The following SLC4A7 variants were observed in gnomAD, a reference collection of about 807,000 sequenced individuals.
SLC4A7 encodes solute carrier family 4 member 7, also known as sodium bicarbonate cotransporter 3.
In SLC4A7, 51 loss-of-function variants were observed where a neutral mutation model predicts 137.6. That is an observed-to-expected ratio of 0.37 (90% confidence interval 0.30 to 0.47). The LOEUF (loss-of-function observed/expected upper bound fraction) is 0.47. Ranked by LOEUF, SLC4A7 falls within the 20% of genes least tolerant of loss-of-function variation. The pLI is 1.00. For missense variants in SLC4A7, 1,247 were observed against 1,525.4 expected (o/e 0.82, Z 3.04); for synonymous variants, 542 against 518.6 (o/e 1.05, Z -0.61).
intron 1 of SLC4A7, among the ~76,000 whole-genome samples, chr3:27,483,748 G>A (rs1286607925): frequency 1.3e-5 from 2 of 152,106 alleles, no homozygotes; most frequent in Non-Finnish European, 1.5e-5. Flanking sequence ...AGCGCTGAGG[G>A]AAGGGATGGA....
intron 22 of SLC4A7, among the ~76,000 whole-genome samples, chr3:27,388,253 T>C (rs936650524): frequency 2.0e-5 from 3 of 152,232 alleles, no homozygotes; most frequent in African/African-American, 7.2e-5. Context: ...GCTAAATTTG[T>C]TTACTTGCTA....
chr3:27,417,091 T>C (rs1014009708), intron 11 of SLC4A7, among the ~76,000 whole-genome samples: 1 of 152,170 alleles, frequency 6.6e-6, no homozygotes, highest in Non-Finnish European at 1.5e-5. Context: ...CATTAAAATA[T>C]ACCAAAAAGC....
intron 1 of SLC4A7, among the ~76,000 whole-genome samples, chr3:27,458,126 CTTAT>C (rs747633458): frequency 1.7e-4 from 26 of 152,186 alleles, no homozygotes; most frequent in Non-Finnish European, 3.2e-4. Context: ...TTTACAAATG[CTTAT>C]TTTGTCATTC....
intron 12 of SLC4A7, among the ~76,000 whole-genome samples, chr3:27,410,477 G>A (rs1209297578): frequency 6.6e-6 from 1 of 152,156 alleles, no homozygotes; most frequent in Non-Finnish European, 1.5e-5. Flanking sequence ...CTTTACCGTT[G>A]TAATTTTTTT....
At position 27,433,498 on chromosome 3, in the gene SLC4A7, A is replaced by G. The variant is rs188730904; in HGVS notation, c.778+418T>C. Among the ~76,000 whole-genome samples the G allele has an allele frequency of 1.1e-4, 16 of 152,270 alleles. No individual in the cohort carries two copies. In the East Asian group the frequency reaches 3.1e-3, roughly 29 times the overall value. Reference sequence around the variant, plus strand: ...TAGACCTGGGTCTGAGCCATTCTCAATGGATTAGAAGACACCAACTAGGTC... The same window carrying G: ...TAGACCTGGGTCTGAGCCATTCTCAGTGGATTAGAAGACACCAACTAGGTC... On this transcript the variant is annotated intron_variant, in intron 6 of 25. Transcript: ENST00000454389.
Position 27,382,294 on chromosome 3 carries a change from T to C in SLC4A7, c.3590+859A>G, listed in dbSNP as rs542066878. On this transcript the variant is annotated intron_variant, in intron 24 of 25. Transcript: ENST00000454389. ...CCACACCCAGCTAATTTTTGTATTT[T>C]TAGTAGAGACAGGTTTCCCCATGTT... Among the ~76,000 whole-genome samples the C allele has an allele frequency of 5.9e-5, 9 of 152,050 alleles. No homozygotes were observed. The South Asian group carries it at 1.9e-3, about 32-fold the overall frequency.
chr3:27,467,480 CACAATA>C (rs772211070), intron 1 of SLC4A7, among the ~76,000 whole-genome samples: 3 of 152,166 alleles, frequency 2.0e-5, no homozygotes, highest in Non-Finnish European at 4.4e-5. Flanking sequence ...CAAATGTCAA[CACAATA>C]AATCAGCTTT....
At chr3:27,446,896 T>TTTTTTTTTTTTTTTTC (rs2057698749) in intron 3 of SLC4A7, among the ~76,000 whole-genome samples, 1 of 106,238 alleles carries the variant, frequency 9.4e-6, no homozygotes. Flanking sequence ...TTTTTTTTGT[T>TTTTTTTTTTTTTTTTC]TTTTTTAAAC....
chr3:27,472,799 G>A (rs2059303721), intron 1 of SLC4A7, among the ~76,000 whole-genome samples: 1 of 152,182 alleles, frequency 6.6e-6, no homozygotes, highest in Admixed American at 6.5e-5. Flanking sequence ...ATTGCATCAG[G>A]CTGGGCACAG....
chr3:27,425,397 C>T (rs2055471266), intron 7 of SLC4A7, among the ~76,000 whole-genome samples: 1 of 111,828 alleles, frequency 8.9e-6, no homozygotes, highest in African/African-American at 3.8e-5. Flanking sequence ...AAAAAAAGGG[C>T]CAGGCGCTGT....
At chr3:27,406,324 G>A (rs1310946237) in intron 13 of SLC4A7, among the ~76,000 whole-genome samples, 2 of 152,168 alleles carry the variant, frequency 1.3e-5, no homozygotes, top group African/African-American at 2.4e-5. Flanking sequence ...TGAATAGGTA[G>A]CAATTCTCAT....
intron 14 of SLC4A7, among the ~76,000 whole-genome samples, chr3:27,404,294 G>C (rs980926351): frequency 6.6e-6 from 1 of 152,194 alleles, no homozygotes; most frequent in South Asian, 2.1e-4. Flanking sequence ...TTGAACCTGG[G>C]AGGCAGAGGT....
chr3:27,423,753 T>G, intron 8 of SLC4A7: 2 of 273,032 alleles, frequency 7.3e-6, no homozygotes, highest in Non-Finnish European at 6.9e-6. Flanking sequence ...TTTCACGATA[T>G]CTATGGGTAG....
intron 5 of SLC4A7, 100 bp downstream of exon 5, chr3:27,436,288 A>G: frequency 1.2e-6 from 1 of 802,934 alleles, no homozygotes; most frequent in Non-Finnish European, 1.9e-6. Context: ...ATTTCCTTAT[A>G]CTGCACTCCA....
At chr3:27,479,425 A>AC (rs66514359) in intron 1 of SLC4A7, among the ~76,000 whole-genome samples, 1,665 of 149,702 alleles carry the variant, frequency 0.011, 10 homozygotes, top group South Asian at 0.023. Context: ...CTCAGCAACA[A>AC]AAAAAAAAAG....
At chr3:27,394,085 C>A (rs1164271719) in intron 20 of SLC4A7, among the ~76,000 whole-genome samples, 1 of 152,152 alleles carries the variant, frequency 6.6e-6, no homozygotes, top group African/African-American at 2.4e-5. Flanking sequence ...GTGGCCCAAT[C>A]ACGGCTCACT....
At position 27,418,362 on chromosome 3, in the gene SLC4A7, G is replaced by C. The variant is rs998237468; in HGVS notation, c.1659+124C>G. The C allele has an allele frequency of 1.7e-5, 12 of 701,866 alleles. No individual in the cohort carries two copies. In the African/African-American group the frequency reaches 2.0e-4, roughly 12 times the overall value. The allele number at this position is 701,866 out of a possible 1,614,324, so 43.5% of individuals were successfully genotyped here. ...CCACCCACAGGAGGTAAGTATGGGG[G>C]TAAGAAGGTAAACAGGACGAGGTGG... On this transcript the variant is annotated intron_variant, in intron 11 of 25. Coordinates refer to ENST00000454389, the MANE Select transcript of SLC4A7 (RefSeq NM_001321103.2).
At chr3:27,380,204 G>C (rs1253309535) in intron 24 of SLC4A7, among the ~76,000 whole-genome samples, 2 of 151,998 alleles carry the variant, frequency 1.3e-5, no homozygotes, top group Middle Eastern at 3.4e-3. Flanking sequence ...CTACTTGGGA[G>C]GCTGAGGCAG....
chr3:27,433,911 C>G lies in SLC4A7; in HGVS notation c.778+5G>C, dbSNP rs201492820. On this transcript the variant is annotated splice_donor_5th_base_variant and intron_variant, in intron 6 of 25. Transcript: ENST00000454389. ...GCAAAAATTGGATGCCACAACTTAT[C>G]TCACCATTCCTTTCAAGCAAGTGAG... The G allele has an allele frequency of 1.3e-5, 21 of 1,612,860 alleles. No homozygotes were observed. Among genetic ancestry groups the G allele is most frequent in the Middle Eastern group, 3.3e-4 (2 of 6,078 alleles).
Sources: gnomAD v4.1 joint callset for allele counts (sites outside exome capture counted in the v4.1 genomes callset) on GRCh38, gnomAD v4.1.1 for gene constraint, MANE v1.5 for transcripts, NCBI Gene and HGNC (gene_info 2026-07-23, HGNC 2026-07-21) for gene names.